Variants in GABBR2 observed in about 807,000 individuals in gnomAD.
GABBR2 encodes gamma-aminobutyric acid type B receptor subunit 2, also known as G-protein coupled receptor 51.
A neutral mutation model predicts 105.6 loss-of-function variants in GABBR2; 23 were observed. The ratio of observed to expected loss-of-function variants is 0.22; its 90% CI spans 0.16 to 0.31. The LOEUF is 0.31. Ranked by LOEUF, GABBR2 falls within the 10% of genes least tolerant of loss-of-function variation. GABBR2 has a pLI of 1.00. For synonymous variants in GABBR2, 478 were observed against 499.7 expected (o/e 0.96, Z 0.58); for missense variants, 734 against 1,245.5 (o/e 0.59, Z 6.18).
chr9:98,350,396 C>T (rs1010128902), intron 13 of GABBR2, among the ~76,000 whole-genome samples: 3 of 152,046 alleles, frequency 2.0e-5, no homozygotes, highest in Admixed American at 2.0e-4. Context: ...TCCCTCTTTG[C>T]ACTGCTTTTG....
chr9:98,635,946 C>T (rs981172854), intron 1 of GABBR2, among the ~76,000 whole-genome samples: 6 of 152,080 alleles, frequency 3.9e-5, no homozygotes, highest in African/African-American at 1.2e-4. Context: ...ACACAGTGTC[C>T]CTTGCATACC....
Position 98,303,380 on chromosome 9 carries a change from C to T in GABBR2, c.2273G>A (p.Arg758Lys), listed in dbSNP as rs1830500367. Residue 758 changes from arginine (R) to lysine (K), a missense_variant, in exon 16 of 19, where the codon AGG becomes AAG. Around this residue, in one of 7 missense-constraint regions of GABBR2, gnomAD observed 91 missense variants for 185.9 expected, o/e 0.49. Coordinates refer to ENST00000259455, the MANE Select transcript of GABBR2 (RefSeq NM_005458.8). Reference sequence around the variant, plus strand: ...CTGATTCTGAGTGAACTGGAATCGCCTGTTCTGCGTTGCTGCATCTGGGTT... The same window carrying T: ...CTGATTCTGAGTGAACTGGAATCGCTTGTTCTGCGTTGCTGCATCTGGGTT... ...RTNPDAATQN[R>K]RFQFTQNQKK... 2 of 1,614,210 alleles carry T rather than the reference C, an allele frequency of 1.2e-6. No individual in the cohort carries two copies. The highest frequency in any genetic ancestry group is 1.7e-6 in the Non-Finnish European group (2 of 1,180,028).
chr9:98,536,154 C>A (rs1828176016), intron 3 of GABBR2, among the ~76,000 whole-genome samples: 1 of 152,166 alleles, frequency 6.6e-6, no homozygotes, highest in Non-Finnish European at 1.5e-5. Context: ...AAATTAGTCT[C>A]TTAAACAAAC....
intron 1 of GABBR2, among the ~76,000 whole-genome samples, chr9:98,678,172 C>T (rs1219979000): frequency 6.6e-6 from 1 of 152,108 alleles, no homozygotes; most frequent in Non-Finnish European, 1.5e-5. Flanking sequence ...ACATGGAAAT[C>T]CAGTACTGGG....
chr9:98,589,230 A>C (rs1829115294), intron 1 of GABBR2, among the ~76,000 whole-genome samples: 1 of 152,060 alleles, frequency 6.6e-6, no homozygotes, highest in Non-Finnish European at 1.5e-5. Flanking sequence ...TTCCTTCCCC[A>C]CACCCTTTAC....
rs539015155 is a variant in GABBR2 at position 98,306,112 on chromosome 9, C to T, written c.2229+9G>A. 1.7e-5 allele frequency: 28 copies of T among 1,603,304 alleles called. No homozygotes were observed. The highest frequency in any genetic ancestry group is 1.7e-4 in the Middle Eastern group (1 of 5,976). On this transcript the variant is annotated intron_variant, in intron 15 of 18. Transcript: ENST00000259455. The surrounding 1 kb of genome is among the most constrained non-coding windows in gnomAD (Gnocchi z 5.4). ...GGCAGAGGCCAGGTGGTGGGGCCAG[C>T]GCCTGTACCTTCGGCACGAATACCA...
At chr9:98,589,521 A>G (rs908533851) in intron 1 of GABBR2, among the ~76,000 whole-genome samples, 3 of 152,212 alleles carry the variant, frequency 2.0e-5, no homozygotes, top group African/African-American at 7.2e-5. Flanking sequence ...ATAAAGAATC[A>G]GCACACCTGG....
intron 13 of GABBR2, among the ~76,000 whole-genome samples, chr9:98,346,240 A>T (rs1218342574): frequency 6.6e-6 from 1 of 152,234 alleles, no homozygotes; most frequent in Non-Finnish European, 1.5e-5. Context: ...CCCACAGTAG[A>T]ACTTTCAAAA....
rs776899839 is a variant in GABBR2, at chr9:98,306,223, G to A, written c.2127C>T (p.Val709=). The change falls in exon 15 of 19, where the codon GTC becomes GTT. Residue 709 remains valine, a synonymous_variant. Transcript: ENST00000259455. This position sits in a 1 kb window ranked among gnomAD's most constrained non-coding sequence, Gnocchi z 5.4. The part of the protein sequence containing the change: ...VGIMCIIGAA[V]SFLTRDQPNV... ...TGGGCTGGTCCCGGGTCAGGAAGGAGACAGCGGCCCCGATGATGCACATGA... is the reference window on the plus strand; with the variant it reads ...TGGGCTGGTCCCGGGTCAGGAAGGAAACAGCGGCCCCGATGATGCACATGA... 3.1e-6 allele frequency: 5 copies of A among 1,614,064 alleles called. No homozygotes were observed. The highest frequency in any genetic ancestry group is 1.3e-5 in the African/African-American group (1 of 74,932).
intron 2 of GABBR2, among the ~76,000 whole-genome samples, chr9:98,549,544 A>C (rs1008583363): frequency 1.3e-5 from 2 of 152,194 alleles, no homozygotes; most frequent in Non-Finnish European, 2.9e-5. Flanking sequence ...GAAGGTTTTT[A>C]AGGTTCATGA....
chr9:98,605,416 G>A (rs1829401137), intron 1 of GABBR2, among the ~76,000 whole-genome samples: 1 of 152,214 alleles, frequency 6.6e-6, no homozygotes, highest in South Asian at 2.1e-4. Context: ...GGCTAAGCTT[G>A]CATCTGTATC....
intron 11 of GABBR2, among the ~76,000 whole-genome samples, chr9:98,383,207 C>G (rs1832010089): frequency 1.3e-5 from 2 of 152,156 alleles, no homozygotes; most frequent in African/African-American, 4.8e-5. Flanking sequence ...TCTCAAAGTG[C>G]TGGGATTATA....
chr9:98,391,415 T>TA (rs2131500816), intron 9 of GABBR2, among the ~76,000 whole-genome samples: 2 of 152,276 alleles, frequency 1.3e-5, no homozygotes, highest in Non-Finnish European at 2.9e-5. Context: ...CAGATCTGCC[T>TA]AACCCTGAAG....
intron 11 of GABBR2, among the ~76,000 whole-genome samples, chr9:98,373,719 C>A (rs1831824481): frequency 6.6e-6 from 1 of 152,100 alleles, no homozygotes; most frequent in South Asian, 2.1e-4. Context: ...TTTAATTTTA[C>A]AAATGACCAT....
In GABBR2 at chr9:98,349,346, TTTG is replaced by T. The variant is rs1459541176; in HGVS notation, c.1893+13366_1893+13368del. Among the ~76,000 whole-genome samples, 37 of 14,058 alleles carry T rather than the reference TTTG, an allele frequency of 2.6e-3. 1 individual carries two copies. The highest frequency in any genetic ancestry group is 3.1e-3 in the African/African-American group (17 of 5,534). The allele number at this position is 14,058 out of a possible 152,430, so 9.2% of individuals were successfully genotyped here. A position where few individuals can be genotyped will look rare whatever the true frequency, so the allele number is the denominator to read the frequency against. ...TGGTTTGCCAATATTTTGTTGAAGT[TTTG>T]TTTTTTTTTTTTTTTTTTTTTTTTT... On this transcript the variant is annotated intron_variant, in intron 13 of 18. Transcript: ENST00000259455.
At chr9:98,295,970 A>C (rs1830374618) in intron 17 of GABBR2, among the ~76,000 whole-genome samples, 1 of 152,220 alleles carries the variant, frequency 6.6e-6, no homozygotes, top group Non-Finnish European at 1.5e-5. Flanking sequence ...TTCACAATCC[A>C]CTGTTGATGG....
At chr9:98,553,650 A>T (rs1177097584) in intron 2 of GABBR2, among the ~76,000 whole-genome samples, 1 of 152,234 alleles carries the variant, frequency 6.6e-6, no homozygotes, top group Non-Finnish European at 1.5e-5. Flanking sequence ...TGACTTCTTG[A>T]AATTATGAAA....
intron 13 of GABBR2, among the ~76,000 whole-genome samples, chr9:98,349,761 G>A (rs943555699): frequency 2.6e-5 from 4 of 152,096 alleles, no homozygotes; most frequent in African/African-American, 7.2e-5. Flanking sequence ...GGTAATTCTG[G>A]TCTGGTAGAA....
chr9:98,345,432 C>G (rs1292660962), intron 13 of GABBR2, among the ~76,000 whole-genome samples: 1 of 152,170 alleles, frequency 6.6e-6, no homozygotes, highest in African/African-American at 2.4e-5. Context: ...TTTTGGCCAT[C>G]AAAACTATTC....
Sources: allele counts gnomAD v4.1 joint callset (sites outside exome capture counted in the v4.1 genomes callset), GRCh38; gene constraint gnomAD v4.1.1; regional missense constraint gnomAD v4.1.1; non-coding constraint Gnocchi (gnomAD v3.1); transcripts MANE v1.5; gene names NCBI Gene and HGNC (gene_info 2026-07-23, HGNC 2026-07-21).